The following LSAMP variants were observed in gnomAD, a reference collection of about 807,000 sequenced individuals.
LSAMP encodes limbic system-associated membrane protein.
In LSAMP, 7 loss-of-function variants were observed where a neutral mutation model predicts 38.6. The ratio of observed to expected loss-of-function variants is 0.18; its 90% CI spans 0.10 to 0.34. The LOEUF (loss-of-function observed/expected upper bound fraction) is 0.34, where lower values mean the gene tolerates loss of function less well. Ranked by LOEUF, LSAMP falls within the 10% of genes least tolerant of loss-of-function variation. LSAMP has a pLI of 1.00. For missense variants in LSAMP, 313 were observed against 420.0 expected, an observed-to-expected ratio of 0.75 and a Z score of 2.23; for synonymous variants, 154 against 166.8, an observed-to-expected ratio of 0.92 and a Z score of 0.59.
chr3:116,059,520 CA>C (rs1941553566), intron 2 of LSAMP, among the ~76,000 whole-genome samples: 9 of 151,994 alleles, frequency 5.9e-5, no homozygotes, highest in Admixed American at 5.9e-4. Context: ...CTTTTTCTGC[CA>C]ACATTTTCCA....
At chr3:116,103,980 T>G (rs1708407537) in intron 1 of LSAMP, among the ~76,000 whole-genome samples, 1 of 152,234 alleles carries the variant, frequency 6.6e-6, no homozygotes, top group Admixed American at 6.5e-5. Flanking sequence ...AGGAACTTTA[T>G]GAAATATGCC....
intron 1 of LSAMP, among the ~76,000 whole-genome samples, chr3:116,266,397 A>C (rs943993866): frequency 1.3e-5 from 2 of 152,192 alleles, no homozygotes; most frequent in African/African-American, 4.8e-5. Flanking sequence ...AAGAACTTTG[A>C]GAGAGGGCAG....
chr3:115,984,605 G>A (rs562834575), intron 3 of LSAMP, among the ~76,000 whole-genome samples: 31 of 152,060 alleles, frequency 2.0e-4, no homozygotes, highest in African/African-American at 4.6e-4. Flanking sequence ...AAATTAAACC[G>A]TATACTAATT....
Position 116,080,453 on chromosome 3 carries a change from A to C in LSAMP, c.388+5871T>G, listed in dbSNP as rs186973273. ...TAGGTTATATAATTTAATAACTAAA[A>C]GATGGACTACAGGTATATAAAAAGG... On this transcript the variant is annotated intron_variant, in intron 2 of 6. Coordinates refer to ENST00000490035, the MANE Select transcript of LSAMP (RefSeq NM_002338.5). 3.2e-4 allele frequency among the ~76,000 whole-genome samples: 49 copies of C among 152,358 alleles called. No individual in the cohort carries two copies. The Middle Eastern group carries it at 0.027, about 85-fold the overall frequency.
chr3:116,135,218 A>G, intron 1 of LSAMP, among the ~76,000 whole-genome samples: 1 of 152,196 alleles, frequency 6.6e-6, no homozygotes, highest in East Asian at 1.9e-4. Flanking sequence ...TCTTAATATT[A>G]CAAACATCAC....
intron 1 of LSAMP, among the ~76,000 whole-genome samples, chr3:116,349,930 G>A (rs2048114752): frequency 6.6e-6 from 1 of 152,020 alleles, no homozygotes. Context: ...TGTATATTTT[G>A]TGTGAATATG....
At chr3:116,311,034 A>G (rs962421478) in intron 1 of LSAMP, among the ~76,000 whole-genome samples, 1 of 152,072 alleles carries the variant, frequency 6.6e-6, no homozygotes, top group Non-Finnish European at 1.5e-5. Flanking sequence ...ATTTAACGGC[A>G]CATTGAAATA....
intron 3 of LSAMP, among the ~76,000 whole-genome samples, chr3:115,917,033 G>A (rs1937266647): frequency 6.6e-6 from 1 of 152,136 alleles, no homozygotes; most frequent in Non-Finnish European, 1.5e-5. Flanking sequence ...AAAATACCAA[G>A]CAGAGGAACA....
At chr3:116,376,343 G>A (rs987994125) in intron 1 of LSAMP, among the ~76,000 whole-genome samples, 1 of 151,846 alleles carries the variant, frequency 6.6e-6, no homozygotes, top group Non-Finnish European at 1.5e-5. Flanking sequence ...GATGGAAAAG[G>A]GATTCCTTCT....
intron 5 of LSAMP, 112 bp from the exon 6 acceptor site, chr3:115,842,105 G>GT (rs929301283): frequency 1.8e-6 from 2 of 1,139,950 alleles, no homozygotes; most frequent in Non-Finnish European, 2.5e-6. Flanking sequence ...AGTAGCTAGA[G>GT]TTTGTTGTTC....
chr3:116,419,199 CCT>C (rs2049091042), intron 1 of LSAMP, among the ~76,000 whole-genome samples: 1 of 152,208 alleles, frequency 6.6e-6, no homozygotes, highest in South Asian at 2.1e-4. Flanking sequence ...AACAATACTG[CCT>C]GGAGTTCCCT....
intron 1 of LSAMP, among the ~76,000 whole-genome samples, chr3:116,274,062 T>C (rs1369072418): frequency 7.0e-6 from 1 of 143,228 alleles, no homozygotes; most frequent in Non-Finnish European, 1.5e-5. Context: ...TTATAAATTA[T>C]TTCAGAGGAG....
chr3:115,890,427 G>A (rs1233771913), intron 3 of LSAMP, among the ~76,000 whole-genome samples: 1 of 151,796 alleles, frequency 6.6e-6, no homozygotes, highest in Admixed American at 6.6e-5. Context: ...AATCAACATG[G>A]AACTAGTAGT....
intron 1 of LSAMP, among the ~76,000 whole-genome samples, chr3:116,297,932 C>T (rs1236618207): frequency 6.6e-6 from 1 of 152,162 alleles, no homozygotes; most frequent in East Asian, 1.9e-4. Flanking sequence ...TTCTCCTCTT[C>T]CAGAATCCAC....
intron 6 of LSAMP, among the ~76,000 whole-genome samples, chr3:115,818,161 G>A (rs1934091253): frequency 1.3e-5 from 2 of 152,148 alleles, no homozygotes; most frequent in African/African-American, 4.8e-5. Context: ...AGCAATGCCT[G>A]TATGACTCAA....
chr3:115,842,730 A>G, intron 4 of LSAMP, 152 bp from the exon 5 acceptor site: 2 of 866,828 alleles, frequency 2.3e-6, no homozygotes, highest in South Asian at 3.8e-5. Context: ...GATCAGCTCA[A>G]TGGGGTTGAT....
At chr3:116,159,357 C>T (rs1709829376) in intron 1 of LSAMP, among the ~76,000 whole-genome samples, 1 of 152,042 alleles carries the variant, frequency 6.6e-6, no homozygotes, top group Non-Finnish European at 1.5e-5. Flanking sequence ...AAGTATGCAT[C>T]TGACAAACAT....
chr3:116,092,139 A>C (rs1338179496), intron 1 of LSAMP, among the ~76,000 whole-genome samples: 1 of 152,214 alleles, frequency 6.6e-6, no homozygotes, highest in African/African-American at 2.4e-5. Context: ...TGGAATAAAC[A>C]AGCTGAATTT....
intron 1 of LSAMP, among the ~76,000 whole-genome samples, chr3:116,135,540 C>A (rs749439281): frequency 6.6e-5 from 10 of 152,106 alleles, no homozygotes; most frequent in Non-Finnish European, 1.0e-4. Context: ...ATGACAGAAA[C>A]CACTAGACTA....
Sources: allele counts gnomAD v4.1 joint callset (sites outside exome capture counted in the v4.1 genomes callset), GRCh38; gene constraint gnomAD v4.1.1; transcripts MANE v1.5; gene names NCBI Gene and HGNC (gene_info 2026-07-23, HGNC 2026-07-21).